The following MAD1L1 variants were observed in gnomAD, a reference collection of about 807,000 sequenced individuals.
MAD1L1 encodes the protein mitotic spindle assembly checkpoint protein MAD1.
MAD1L1 carries 95 observed loss-of-function variants against 96.9 expected under a neutral mutation model. The observed-to-expected ratio is 0.98, with a 90% CI of 0.83 to 1.16. The LOEUF (loss-of-function observed/expected upper bound fraction) is 1.16. Ranked by LOEUF, MAD1L1 falls within the 50% of genes most tolerant of loss-of-function variation. MAD1L1 has a pLI of 0.00. For missense variants in MAD1L1, 1,007 were observed against 954.4 expected (o/e 1.06, Z -0.73); for synonymous variants, 473 against 396.6 (o/e 1.19, Z -2.29).
In MAD1L1 at chr7:1,980,530, C is replaced by T. The variant is rs1246449769; in HGVS notation, c.1428G>A (p.Glu476=). 2 of 1,609,406 alleles carry T rather than the reference C, an allele frequency of 1.2e-6. No individual in the cohort carries two copies. Among genetic ancestry groups the T allele is most frequent in the Non-Finnish European group, 1.7e-6 (2 of 1,179,064 alleles). The change falls in exon 15 of 19, where the codon GAG becomes GAA. Residue 476 remains glutamate, a synonymous_variant. Coordinates refer to ENST00000265854, the MANE Select transcript of MAD1L1 (RefSeq NM_001013836.2). ...QKQRADMLEM[E]LKMLKSQSSS... ...TGGACTGAGACTTCAGCATCTTCAG[C>T]TCCATCTCCAGCTAGGAGAAAGCAA...
In MAD1L1 at chr7:2,102,288, GCCACT is replaced by G. The variant is rs1562688692; in HGVS notation, c.1074-32955_1074-32951del. On this transcript the variant is annotated intron_variant, in intron 11 of 18. Coordinates refer to ENST00000265854, the MANE Select transcript of MAD1L1 (RefSeq NM_001013836.2). Reference sequence around the variant, plus strand: ...CACCATCACTATCACCACCACCACCGCCACTGTCACCATCACCACCGTCACCATCA... The same window carrying G: ...CACCATCACTATCACCACCACCACCGGTCACCATCACCACCGTCACCATCA... 5.8e-5 allele frequency among the ~76,000 whole-genome samples: 8 copies of G among 137,320 alleles called. No homozygotes were observed. In the East Asian group the frequency reaches 1.7e-3, roughly 28 times the overall value. The allele number at this position is 137,320 out of a possible 152,430, so 90.1% of individuals were successfully genotyped here. A position where few individuals can be genotyped will look rare whatever the true frequency, so the allele number is the denominator to read the frequency against.
At chr7:2,040,936 C>T (rs1408756567) in intron 12 of MAD1L1, among the ~76,000 whole-genome samples, 1 of 152,220 alleles carries the variant, frequency 6.6e-6, no homozygotes, top group Non-Finnish European at 1.5e-5. Flanking sequence ...TGATGTGTGC[C>T]GTCATAGGGG....
intron 12 of MAD1L1, among the ~76,000 whole-genome samples, chr7:2,048,085 C>T (rs1784010534): frequency 1.3e-5 from 2 of 152,240 alleles, no homozygotes; most frequent in African/African-American, 4.8e-5. Context: ...GTCTCCTACA[C>T]AGAGCTCATG....
intron 10 of MAD1L1, among the ~76,000 whole-genome samples, chr7:2,206,716 G>C (rs781733293): frequency 6.6e-6 from 1 of 152,218 alleles, no homozygotes; most frequent in Non-Finnish European, 1.5e-5. Context: ...AGTGTAAGCT[G>C]TATAACTTGT....
In MAD1L1 at chr7:2,102,309, G is replaced by A. The variant is rs182372459; in HGVS notation, c.1074-32971C>T. Reference sequence around the variant, plus strand: ...CACCGCCACTGTCACCATCACCACCGTCACCATCACCGCCGTCACCATCAC... The same window carrying A: ...CACCGCCACTGTCACCATCACCACCATCACCATCACCGCCGTCACCATCAC... On this transcript the variant is annotated intron_variant, in intron 11 of 18. Transcript: ENST00000265854. Among the ~76,000 whole-genome samples, 38 of 131,810 alleles carry A rather than the reference G, an allele frequency of 2.9e-4. No individual in the cohort carries two copies. The South Asian group carries it at 9.1e-3, about 32-fold the overall frequency. The allele number at this position is 131,810 out of a possible 152,430, so 86.5% of individuals were successfully genotyped here.
intron 10 of MAD1L1, among the ~76,000 whole-genome samples, chr7:2,181,812 C>CTCTATA (rs1554242734): frequency 4.0e-5 from 6 of 149,410 alleles, no homozygotes; most frequent in African/African-American, 1.2e-4. Context: ...AATGTGGTCT[C>CTCTATA]TATATATATA....
At chr7:1,914,719 T>C (rs1456705717) in intron 17 of MAD1L1, among the ~76,000 whole-genome samples, 3 of 152,206 alleles carry the variant, frequency 2.0e-5, no homozygotes, top group East Asian at 1.9e-4. Flanking sequence ...GCCCAAGCCA[T>C]TGTCCTGCCT....
At chr7:2,042,188 C>G (rs1783713318) in intron 12 of MAD1L1, among the ~76,000 whole-genome samples, 1 of 151,628 alleles carries the variant, frequency 6.6e-6, no homozygotes, top group African/African-American at 2.4e-5. Context: ...TGCACACACA[C>G]ACGCACATGG....
At chr7:2,170,340 C>T (rs1790651810) in intron 10 of MAD1L1, among the ~76,000 whole-genome samples, 1 of 152,202 alleles carries the variant, frequency 6.6e-6, no homozygotes, top group South Asian at 2.1e-4. Flanking sequence ...GAAAAATTAC[C>T]AAGCACTGTT....
intron 10 of MAD1L1, among the ~76,000 whole-genome samples, chr7:2,162,449 GCGGAAGGC>G (rs532111299): frequency 1.7e-3 from 260 of 152,186 alleles, no homozygotes; most frequent in Non-Finnish European, 2.7e-3. Context: ...CACAAACACT[GCGGAAGGC>G]CGCAGGGACC....
intron 18 of MAD1L1, among the ~76,000 whole-genome samples, chr7:1,895,275 G>C (rs1208832190): frequency 6.6e-6 from 1 of 152,192 alleles, no homozygotes; most frequent in African/African-American, 2.4e-5. Flanking sequence ...TGATGGATGT[G>C]CCAGGAACAT....
intron 18 of MAD1L1, among the ~76,000 whole-genome samples, chr7:1,824,218 C>T (rs1410447956): frequency 6.6e-6 from 1 of 152,196 alleles, no homozygotes; most frequent in Non-Finnish European, 1.5e-5. Context: ...AACGCCTCCC[C>T]TCTTACACCA....
intron 10 of MAD1L1, among the ~76,000 whole-genome samples, chr7:2,203,479 C>T (rs1031210174): frequency 6.6e-6 from 1 of 152,232 alleles, no homozygotes; most frequent in African/African-American, 2.4e-5. Flanking sequence ...GAGTCTCAAA[C>T]GCACATCTCT....
At chr7:1,867,485 G>A (rs747290470) in intron 18 of MAD1L1, among the ~76,000 whole-genome samples, 15 of 152,224 alleles carry the variant, frequency 9.9e-5, no homozygotes, top group East Asian at 3.9e-4. Flanking sequence ...CCTTCTGCTC[G>A]CCCAATCTTC....
intron 18 of MAD1L1, among the ~76,000 whole-genome samples, chr7:1,832,254 T>C: frequency 6.6e-6 from 1 of 152,056 alleles, no homozygotes; most frequent in East Asian, 1.9e-4. Context: ...TGGAGGAAGA[T>C]GGACAGATGT....
rs774039118 is a variant in MAD1L1, at chr7:2,103,217, G to A, written c.1074-33879C>T. ...CACGCTTCAGCTCTCAGCCCACATGGTGTGTCCAGAGGGAGGCCGTCCATC... is the reference window on the plus strand; with the variant it reads ...CACGCTTCAGCTCTCAGCCCACATGATGTGTCCAGAGGGAGGCCGTCCATC... On this transcript the variant is annotated intron_variant, in intron 11 of 18. Coordinates refer to ENST00000265854, the MANE Select transcript of MAD1L1 (RefSeq NM_001013836.2). The surrounding 1 kb of genome is among the most constrained non-coding windows in gnomAD (Gnocchi z 4.3). Among the ~76,000 whole-genome samples, 10 of 152,158 alleles carry A rather than the reference G, an allele frequency of 6.6e-5. No individual in the cohort carries two copies. The highest frequency in any genetic ancestry group is 1.5e-4 in the Non-Finnish European group (10 of 68,018).
At chr7:2,181,469 A>C (rs760821652) in intron 10 of MAD1L1, among the ~76,000 whole-genome samples, 2 of 152,390 alleles carry the variant, frequency 1.3e-5, no homozygotes, top group Non-Finnish European at 1.5e-5. Context: ...GGGAAATGCA[A>C]ATCAAAACCA....
chr7:1,867,624 C>T (rs1301876398), intron 18 of MAD1L1, among the ~76,000 whole-genome samples: 1 of 152,218 alleles, frequency 6.6e-6, no homozygotes, highest in Non-Finnish European at 1.5e-5. Flanking sequence ...GTGGCTCGGG[C>T]CCAATTTCCA....
chr7:2,060,318 GATGCTGAGATACGCCA>G (rs1584223328), intron 12 of MAD1L1, among the ~76,000 whole-genome samples: 3 of 143,000 alleles, frequency 2.1e-5, no homozygotes, highest in East Asian at 4.0e-4. Context: ...GAGATACGCC[GATGCTGAGATACGCCA>G]ATGCCAAGAT....
Sources: gnomAD v4.1 joint callset for allele counts (sites outside exome capture counted in the v4.1 genomes callset) on GRCh38, gnomAD v4.1.1 for gene constraint, Gnocchi (gnomAD v3.1) non-coding constraint, MANE v1.5 for transcripts, NCBI Gene and HGNC (gene_info 2026-07-23, HGNC 2026-07-21) for gene names.